Variants in LHX9 observed in about 807,000 individuals in gnomAD.
LHX9 encodes the protein LIM homeobox 9.
LHX9 carries 9 observed loss-of-function variants against 36.5 expected under a neutral mutation model. That is an observed-to-expected ratio of 0.25 (90% CI 0.15 to 0.43). The LOEUF (loss-of-function observed/expected upper bound fraction) is 0.43, where lower values mean the gene tolerates loss of function less well. Ranked by LOEUF, LHX9 falls within the 20% of genes least tolerant of loss-of-function variation. LHX9 has a pLI of 1.00. For missense variants in LHX9, 464 were observed against 526.4 expected (o/e 0.88, Z 1.16); for synonymous variants, 211 against 212.1 (o/e 0.99, Z 0.04).
At position 197,917,764 on chromosome 1, in the gene LHX9, G is replaced by A; in HGVS notation, c.-60G>A. The A allele has an allele frequency of 6.2e-7, 1 of 1,613,032 alleles. No individual in the cohort carries two copies. Among genetic ancestry groups the A allele is most frequent in the Admixed American group, 1.7e-5 (1 of 59,780 alleles). ...AGCGTCTCTGCGCTCCTACAGGGCA[G>A]CCCTCTCTGGTCCCTTGCCTCCTTC... On this transcript the variant is annotated 5_prime_UTR_variant, in exon 1 of 5. Transcript: ENST00000367387.
rs1660356514 is a variant in LHX9, at chr1:197,932,623, A to G, written c.*3364A>G. ...CTTTATGTTAAACACATGCTGTTGA[A>G]ATTAATTTTGAACACTTAAAGAGGC... On this transcript the variant is annotated 3_prime_UTR_variant, in exon 5 of 5. Coordinates refer to ENST00000367387, the MANE Select transcript of LHX9 (RefSeq NM_020204.3). 6.6e-6 allele frequency: 1 copy of G among 152,078 alleles called. No individual in the cohort carries two copies. Among genetic ancestry groups the G allele is most frequent in the Non-Finnish European group, 1.5e-5 (1 of 67,936 alleles). 9.4% of individuals were successfully genotyped at this position (152,078 alleles called of 1,614,324 possible). A position where few individuals can be genotyped will look rare whatever the true frequency, so the allele number is the denominator to read the frequency against.
intron 3 of LHX9, among the ~76,000 whole-genome samples, chr1:197,923,980 G>A (rs2102598521): frequency 6.6e-6 from 1 of 152,082 alleles, no homozygotes; most frequent in South Asian, 2.1e-4. Flanking sequence ...CATCCTTTCT[G>A]GACTTTTCCC....
chr1:197,923,523 A>AG (rs1372495630), intron 3 of LHX9, among the ~76,000 whole-genome samples: 1 of 115,534 alleles, frequency 8.7e-6, no homozygotes, highest in Admixed American at 8.5e-5. Flanking sequence ...GAGAGAGAGA[A>AG]AGCAAGCCAC....
In LHX9 at chr1:197,932,052, C is replaced by A; in HGVS notation, c.*2793C>A. 29 of 949,834 alleles carry A rather than the reference C, an allele frequency of 3.1e-5. No individual in the cohort carries two copies. The highest frequency in any genetic ancestry group is 3.9e-5 in the Non-Finnish European group (25 of 648,812). 58.8% of individuals were successfully genotyped at this position (949,834 alleles called of 1,614,324 possible). On this transcript the variant is annotated 3_prime_UTR_variant, in exon 5 of 5. Transcript: ENST00000367387. ...AAAGACACTATTAGGTTATGATAAT[C>A]ATACATTAAAAAATTTATTAAGCCA...
rs566226878 is a variant in LHX9 at position 197,924,014 on chromosome 1, A to G, written c.733+2355A>G. Among the ~76,000 whole-genome samples the G allele has an allele frequency of 1.3e-4, 20 of 152,320 alleles. No individual in the cohort carries two copies. In the South Asian group the frequency reaches 3.7e-3, roughly 28 times the overall value. The stretch of plus-strand genomic sequence containing the variant: ...CCAGAGATACTATTCAATAGTATAT[A>G]TATTTTAAAGATCAGGTTAAAATTA... On this transcript the variant is annotated intron_variant, in intron 3 of 4. Transcript: ENST00000367387.
chr1:197,932,060 A>T lies in LHX9; in HGVS notation c.*2801A>T, dbSNP rs930314379. 8 of 950,808 alleles carry T rather than the reference A, an allele frequency of 8.4e-6. No individual in the cohort carries two copies. The African/African-American group carries it at 1.2e-4, about 15-fold the overall frequency. The allele number at this position is 950,808 out of a possible 1,614,324, so 58.9% of individuals were successfully genotyped here. A position where few individuals can be genotyped will look rare whatever the true frequency, so the allele number is the denominator to read the frequency against. On this transcript the variant is annotated 3_prime_UTR_variant, in exon 5 of 5. Coordinates refer to ENST00000367387, the MANE Select transcript of LHX9 (RefSeq NM_020204.3). ...TATTAGGTTATGATAATCATACATT[A>T]AAAAATTTATTAAGCCAAAAAAAAA... is the stretch of plus-strand genomic sequence containing the variant.
Position 197,929,099 on chromosome 1 carries a change from C to T in LHX9, c.1034C>T (p.Pro345Leu), listed in dbSNP as rs1308471113. 2 of 1,613,600 alleles carry T rather than the reference C, an allele frequency of 1.2e-6. No homozygotes were observed. The highest frequency in any genetic ancestry group is 1.7e-6 in the Non-Finnish European group (2 of 1,179,908). Residue 345 changes from proline (P) to leucine (L), a missense_variant, in exon 5 of 5, where the codon CCG becomes CTG. Physicochemically the swap from Pro to Leu is moderately conservative, Grantham distance 98. Around this residue, in one of 5 missense-constraint regions of LHX9, gnomAD observed 102 missense variants for 97.0 expected, o/e 1.05. Coordinates refer to ENST00000367387, the MANE Select transcript of LHX9 (RefSeq NM_020204.3). ...GCTGACGGCACGTCGCTTCCGGCCC[C>T]GCCCTCAGCAGACAGCGGAGCTCTC... ...DKADGTSLPAPPSADSGALTP... is the reference protein window; with the variant it reads ...DKADGTSLPALPSADSGALTP...
chr1:197,923,287 T>C (rs1005046183), intron 3 of LHX9, among the ~76,000 whole-genome samples: 3 of 152,224 alleles, frequency 2.0e-5, no homozygotes, highest in African/African-American at 7.2e-5. Context: ...AGCCCCGGGT[T>C]TTGGCAACCC....
rs1660372916 is a variant in LHX9 at position 197,933,361 on chromosome 1, C to T, written c.*4102C>T. The T allele has an allele frequency of 6.6e-6, 1 of 151,992 alleles. No individual in the cohort carries two copies. Among genetic ancestry groups the T allele is most frequent in the South Asian group, 2.1e-4 (1 of 4,820 alleles). The allele number at this position is 151,992 out of a possible 1,614,324, so 9.4% of individuals were successfully genotyped here. A position where few individuals can be genotyped will look rare whatever the true frequency, so the allele number is the denominator to read the frequency against. On this transcript the variant is annotated 3_prime_UTR_variant, in exon 5 of 5. Coordinates refer to ENST00000367387, the MANE Select transcript of LHX9 (RefSeq NM_020204.3). ...AAAAATTTTAAAGAAGAGAGAGCAA[C>T]TTACTAATAAAAAAAAGCAATGCAC...
chr1:197,912,908 T>C (rs12139466), upstream of LHX9: 149,876 of 320,588 alleles, frequency 0.47, 39,591 homozygotes, highest in Non-Finnish European at 0.56. Context: ...GCTGGGGGTG[T>C]CTCTTTCTTG....
chr1:197,927,482 C>A, intron 3 of LHX9, 109 bp from the exon 4 acceptor site: 4 of 933,528 alleles, frequency 4.3e-6, no homozygotes, highest in Non-Finnish European at 3.5e-6. Context: ...GGTTGACAAC[C>A]TTTTTCACTG....
At position 197,921,585 on chromosome 1, in the gene LHX9, G is replaced by T. The variant is rs534591311; in HGVS notation, c.659G>T (p.Gly220Val). ...GCCCTGCCTTACTTCAACGGTACGGGCACCGTGCAGAAAGGGCGGCCCCGG... is the reference window on the plus strand; with the variant it reads ...GCCCTGCCTTACTTCAACGGTACGGTCACCGTGCAGAAAGGGCGGCCCCGG... ...GLALPYFNGT[G>V]TVQKGRPRKR... Residue 220 changes from glycine (G) to valine (V), a missense_variant, in exon 3 of 5, where the codon GGC becomes GTC. Gly to Val is a moderately radical substitution (Grantham distance 109). This residue lies in a region of LHX9 where 130 missense variants were observed against 109.6 expected (regional missense o/e 1.19). Transcript: ENST00000367387. This position sits in a 1 kb window ranked among gnomAD's most constrained non-coding sequence, Gnocchi z 4.6. 6.2e-7 allele frequency: 1 copy of T among 1,611,196 alleles called. No individual in the cohort carries two copies. The highest frequency in any genetic ancestry group is 8.5e-7 in the Non-Finnish European group (1 of 1,179,740).
rs2102603794 is a variant in LHX9, at chr1:197,929,660, G to A, written c.*401G>A. 4.4e-6 allele frequency: 4 copies of A among 911,812 alleles called. No individual in the cohort carries two copies. The highest frequency in any genetic ancestry group is 3.9e-6 in the Non-Finnish European group (3 of 762,926). 56.5% of individuals were successfully genotyped at this position (911,812 alleles called of 1,614,324 possible). ...CCACTTAAATGATTAGGTTAATAAA[G>A]AACCAGATAATTAATTAGTTACTTT... On this transcript the variant is annotated 3_prime_UTR_variant, in exon 5 of 5. Transcript: ENST00000367387.
In LHX9 at chr1:197,933,041, G is replaced by A. The variant is rs1660366382; in HGVS notation, c.*3782G>A. Reference sequence around the variant, plus strand: ...GATTATTACAAACAAAAAAGCAAATGGAAAGACAGACAAATATTTAGGAAT... The same window carrying A: ...GATTATTACAAACAAAAAAGCAAATAGAAAGACAGACAAATATTTAGGAAT... On this transcript the variant is annotated 3_prime_UTR_variant, in exon 5 of 5. Transcript: ENST00000367387. 6.6e-6 allele frequency: 1 copy of A among 151,586 alleles called. No individual in the cohort carries two copies. The highest frequency in any genetic ancestry group is 1.5e-5 in the Non-Finnish European group (1 of 67,802). The allele number at this position is 151,586 out of a possible 1,614,324, so 9.4% of individuals were successfully genotyped here.
At chr1:197,928,532 C>A (rs981131067) in intron 4 of LHX9, among the ~76,000 whole-genome samples, 1 of 152,100 alleles carries the variant, frequency 6.6e-6, no homozygotes, top group African/African-American at 2.4e-5. Context: ...AGAATATATA[C>A]CGTGTGTTGG....
Position 197,932,505 on chromosome 1 carries a change from GT to G in LHX9, c.*3247del, listed in dbSNP as rs1660353954. The G allele has an allele frequency of 1.3e-5, 2 of 152,186 alleles. No homozygotes were observed. Among genetic ancestry groups the G allele is most frequent in the African/African-American group, 4.8e-5 (2 of 41,422 alleles). The allele number at this position is 152,186 out of a possible 1,614,324, so 9.4% of individuals were successfully genotyped here. ...TGCACTTTTACATATGTCACCTCTA[GT>G]GTACACCTCTGTATGATGACTTATC... On this transcript the variant is annotated 3_prime_UTR_variant, in exon 5 of 5. Coordinates refer to ENST00000367387, the MANE Select transcript of LHX9 (RefSeq NM_020204.3).
Position 197,921,606 on chromosome 1 carries a change from C to T in LHX9, c.680C>T (p.Pro227Leu). Reference protein sequence around the residue: ...NGTGTVQKGRPRKRKSPALGV... With the variant: ...NGTGTVQKGRLRKRKSPALGV... Reference sequence around the variant, plus strand: ...ACGGGCACCGTGCAGAAAGGGCGGCCCCGGAAGCGGAAGAGCCCAGCGCTG... The same window carrying T: ...ACGGGCACCGTGCAGAAAGGGCGGCTCCGGAAGCGGAAGAGCCCAGCGCTG... The change falls in exon 3 of 5, where the codon CCC (proline) becomes CTC (leucine). Residue 227 changes from proline (P) to leucine (L), a missense_variant. Transcript: ENST00000367387. This position sits in a 1 kb window ranked among gnomAD's most constrained non-coding sequence, Gnocchi z 4.6. 6.2e-7 allele frequency: 1 copy of T among 1,606,048 alleles called. No homozygotes were observed. Among genetic ancestry groups the T allele is most frequent in the South Asian group, 1.1e-5 (1 of 91,028 alleles).
rs1475996260 is a variant in LHX9, at chr1:197,931,981, T to C, written c.*2722T>C. 6.5e-6 allele frequency: 10 copies of C among 1,541,636 alleles called. No individual in the cohort carries two copies. On this transcript the variant is annotated 3_prime_UTR_variant, in exon 5 of 5. Coordinates refer to ENST00000367387, the MANE Select transcript of LHX9 (RefSeq NM_020204.3). Reference sequence around the variant, plus strand: ...GACGTTTGAAAATTCCCTAAAGTATTAAAAGAAGGGGAAAAGTTTGATCGG... The same window carrying C: ...GACGTTTGAAAATTCCCTAAAGTATCAAAAGAAGGGGAAAAGTTTGATCGG...
intron 4 of LHX9, 99 bp downstream of exon 4, chr1:197,927,892 A>G (rs1054053850): frequency 3.7e-6 from 4 of 1,093,702 alleles, no homozygotes; most frequent in Non-Finnish European, 4.1e-6. Flanking sequence ...TATTTCCTAT[A>G]TTGCTTCTTA....
Sources: allele counts gnomAD v4.1 joint callset (sites outside exome capture counted in the v4.1 genomes callset), GRCh38; gene constraint gnomAD v4.1.1; regional missense constraint gnomAD v4.1.1; non-coding constraint Gnocchi (gnomAD v3.1); transcripts MANE v1.5; gene names NCBI Gene and HGNC (gene_info 2026-07-23, HGNC 2026-07-21).